The following ATRNL1 variants were observed in gnomAD, a reference collection of about 807,000 sequenced individuals.
The protein encoded by ATRNL1 is attractin-like protein 1.
ATRNL1 carries 95 observed loss-of-function variants against 182.7 expected under a neutral mutation model. The ratio of observed to expected loss-of-function variants is 0.52; its 90% confidence interval spans 0.44 to 0.62. The LOEUF (loss-of-function observed/expected upper bound fraction) is 0.62, where lower values mean the gene tolerates loss of function less well. Ranked by LOEUF, ATRNL1 falls within the 20% of genes least tolerant of loss-of-function variation. ATRNL1 has a pLI of 0.00. For missense variants in ATRNL1, 1,471 were observed against 1,679.5 expected (o/e 0.88, Z 2.17); for synonymous variants, 576 against 568.3 (o/e 1.01, Z -0.19).
intron 28 of ATRNL1, among the ~76,000 whole-genome samples, chr10:115,874,540 T>G (rs192892981): frequency 5.3e-4 from 80 of 152,282 alleles, no homozygotes; most frequent in Non-Finnish European, 9.7e-4. Context: ...AAAAGAACAT[T>G]TAGATAATCA....
chr10:115,893,944 C>G (rs1350567918), intron 28 of ATRNL1, among the ~76,000 whole-genome samples: 1 of 151,640 alleles, frequency 6.6e-6, no homozygotes, highest in African/African-American at 2.4e-5. Context: ...ACCATCACAA[C>G]TTGATATTCA....
intron 26 of ATRNL1, among the ~76,000 whole-genome samples, chr10:115,585,737 G>C (rs11197314): frequency 0.81 from 23,254 of 28,864 alleles, 11,209 homozygotes; most frequent in East Asian, 1. Context: ...TTAATTGGAG[G>C]ATTTAGTCCA....
intron 25 of ATRNL1, among the ~76,000 whole-genome samples, chr10:115,528,072 T>TCCCC (rs1554987188): frequency 7.3e-5 from 2 of 27,376 alleles, no homozygotes; most frequent in African/African-American, 1.5e-4. Context: ...CTTCCTTCCT[T>TCCCC]TCCCTTCTCA....
At chr10:115,854,336 C>T (rs1371263334) in intron 28 of ATRNL1, among the ~76,000 whole-genome samples, 16 of 152,200 alleles carry the variant, frequency 1.1e-4, no homozygotes, top group Non-Finnish European at 1.5e-5. Context: ...TGGAAACCTT[C>T]CCCTCCTCTG....
chr10:115,722,718 G>C (rs1555058192), intron 26 of ATRNL1, among the ~76,000 whole-genome samples: 2 of 152,022 alleles, frequency 1.3e-5, no homozygotes, highest in African/African-American at 4.8e-5. Flanking sequence ...TATAATTGCT[G>C]TTAGAAATAT....
intron 26 of ATRNL1, among the ~76,000 whole-genome samples, chr10:115,723,949 CTT>C (rs1565320489): frequency 1.3e-5 from 2 of 152,036 alleles, no homozygotes; most frequent in African/African-American, 4.8e-5. Flanking sequence ...AGTAACATCT[CTT>C]TAATTTTTAA....
chr10:115,350,199 G>T (rs1856166555), intron 19 of ATRNL1, among the ~76,000 whole-genome samples: 1 of 151,710 alleles, frequency 6.6e-6, no homozygotes, highest in African/African-American at 2.4e-5. Context: ...AGCTGGGTGT[G>T]GTGGTGTGCG....
intron 27 of ATRNL1, among the ~76,000 whole-genome samples, chr10:115,845,010 G>T (rs1950895842): frequency 6.6e-6 from 1 of 151,856 alleles, no homozygotes; most frequent in Non-Finnish European, 1.5e-5. Flanking sequence ...GAGATGTTTG[G>T]GTTTTTTTGT....
intron 27 of ATRNL1, among the ~76,000 whole-genome samples, chr10:115,764,411 G>A (rs2960703): frequency 0.95 from 144,618 of 152,174 alleles, 69,129 homozygotes; most frequent in East Asian, 1. Context: ...TATCATTATA[G>A]TATCATACAG....
rs200186852 is a variant in ATRNL1, at chr10:115,737,280, C to CA, written c.3903+9934dup. Among the ~76,000 whole-genome samples the CA allele has an allele frequency of 2.0e-3, 293 of 147,882 alleles. 11 individuals are homozygous for CA. In the South Asian group the frequency reaches 0.047, roughly 24 times the overall value. On this transcript the variant is annotated intron_variant, in intron 27 of 28. Transcript: ENST00000355044. ...GTCTCTACAAAACATCCCCCCCCCC[C>CA]AAAAAAAAAGGCTGGGCATGGTGGC...
chr10:115,327,285 A>G (rs1267139876), intron 18 of ATRNL1, among the ~76,000 whole-genome samples: 7 of 150,778 alleles, frequency 4.6e-5, no homozygotes, highest in African/African-American at 1.7e-4. Context: ...GGACATGAAC[A>G]GACACTTCTC....
At chr10:115,829,614 A>G (rs1319305690) in intron 27 of ATRNL1, among the ~76,000 whole-genome samples, 1 of 151,970 alleles carries the variant, frequency 6.6e-6, no homozygotes, top group Non-Finnish European at 1.5e-5. Flanking sequence ...GCTAGCATAT[A>G]CTTTTAAGCC....
chr10:115,393,118 G>A (rs1554954736), intron 19 of ATRNL1, among the ~76,000 whole-genome samples: 1 of 152,020 alleles, frequency 6.6e-6, no homozygotes, highest in East Asian at 1.9e-4. Context: ...GCAGAAGACT[G>A]GATTACTAAC....
At chr10:115,223,929 A>ATATATATATATATTTTTTTTTTTTT (rs1420143943) in intron 9 of ATRNL1, among the ~76,000 whole-genome samples, 1 of 44,714 alleles carries the variant, frequency 2.2e-5, no homozygotes, top group African/African-American at 9.2e-5. Context: ...ATATATATAT[A>ATATATATATATATTTTTTTTTTTTT]TTTTTTTTTT....
intron 27 of ATRNL1, among the ~76,000 whole-genome samples, chr10:115,791,319 C>A (rs1555081746): frequency 6.6e-6 from 1 of 152,072 alleles, no homozygotes; most frequent in Non-Finnish European, 1.5e-5. Flanking sequence ...TATGCTTTTT[C>A]TCATTATTAT....
intron 27 of ATRNL1, among the ~76,000 whole-genome samples, chr10:115,800,682 G>A (rs1195824682): frequency 6.6e-6 from 1 of 152,104 alleles, no homozygotes; most frequent in Non-Finnish European, 1.5e-5. Context: ...CCAATGTGAT[G>A]GTATTAAGAA....
intron 25 of ATRNL1, among the ~76,000 whole-genome samples, chr10:115,528,612 T>C (rs534155724): frequency 1.6e-3 from 248 of 152,182 alleles, no homozygotes; most frequent in Non-Finnish European, 2.7e-3. Context: ...CTCTATTGTT[T>C]TTCTATTTTC....
In ATRNL1 at chr10:115,206,481, T is replaced by C. The variant is rs1478768761; in HGVS notation, c.1349-9216T>C. Among the ~76,000 whole-genome samples, 6 of 152,238 alleles carry C rather than the reference T, an allele frequency of 3.9e-5. No individual in the cohort carries two copies. In the East Asian group the frequency reaches 7.7e-4, roughly 20 times the overall value. ...ATATAGTGTCAGAACCTTAAAATAG[T>C]ATACCTGATTTTTTAAATTGTTTCT... On this transcript the variant is annotated intron_variant, in intron 8 of 28. Coordinates refer to ENST00000355044, the MANE Select transcript of ATRNL1 (RefSeq NM_207303.4).
intron 19 of ATRNL1, among the ~76,000 whole-genome samples, chr10:115,389,548 A>ATGTATATATATATATATG (rs1843879344): frequency 3.3e-5 from 1 of 30,196 alleles, no homozygotes; most frequent in African/African-American, 1.1e-4. Context: ...GTGTATATAT[A>ATGTATATATATATATATG]TATATATATA....
Sources: allele counts gnomAD v4.1 joint callset (sites outside exome capture counted in the v4.1 genomes callset), GRCh38; gene constraint gnomAD v4.1.1; transcripts MANE v1.5; gene names NCBI Gene and HGNC (gene_info 2026-07-23, HGNC 2026-07-21).